ZFHX3: variants seen among roughly 807,000 people sequenced by gnomAD.
The protein encoded by ZFHX3 is zinc finger homeobox 3.
ZFHX3 carries 42 observed loss-of-function variants against 279.1 expected under a neutral mutation model. The observed-to-expected ratio is 0.15, with a 90% CI of 0.12 to 0.19. ZFHX3 has a LOEUF of 0.19. ZFHX3 is among the 10% of genes least tolerant of loss of function. The pLI is 1.00. For missense variants in ZFHX3, 4,981 were observed against 4,754.0 expected, an observed-to-expected ratio of 1.05 and a Z score of -1.40; for synonymous variants, 2,293 against 1,957.8, an observed-to-expected ratio of 1.17 and a Z score of -4.52.
rs73607336 is a variant in ZFHX3, at chr16:73,885,204, C to A, written c.-1608+6447G>T. 3.0e-3 allele frequency among the ~76,000 whole-genome samples: 460 copies of A among 152,136 alleles called. 3 individuals are homozygous for A. Among genetic ancestry groups the A allele is most frequent in the African/African-American group, 0.011 (437 of 41,510 alleles). ...TCTGAAGACAAAGATGGGAAAAAAA[C>A]CTATTTTTCCCTTTGACTGAAGGGT... is the stretch of plus-strand genomic sequence containing the variant. On this transcript the variant is annotated intron_variant, in intron 1 of 17. Transcript: ENST00000641206.
intron 3 of ZFHX3, among the ~76,000 whole-genome samples, chr16:73,333,851 A>G (rs2015855117): frequency 6.7e-6 from 1 of 150,188 alleles, no homozygotes; most frequent in Non-Finnish European, 1.5e-5. Context: ...TTCACAAGAC[A>G]GAAGGTACAC....
At chr16:73,710,212 A>T (rs2053345196) in intron 1 of ZFHX3, among the ~76,000 whole-genome samples, 1 of 152,192 alleles carries the variant, frequency 6.6e-6, no homozygotes, top group Non-Finnish European at 1.5e-5. Context: ...TAAGAAATAA[A>T]AATTAAATAA....
At chr16:72,990,706 C>T (rs1185063066) in intron 1 of ZFHX3, among the ~76,000 whole-genome samples, 6 of 152,142 alleles carry the variant, frequency 3.9e-5, no homozygotes, top group South Asian at 2.1e-4. Flanking sequence ...AATGGCTGGG[C>T]GCAGTGGCTC....
intron 2 of ZFHX3, among the ~76,000 whole-genome samples, chr16:73,509,695 T>G (rs1438837802): frequency 1.4e-5 from 2 of 147,162 alleles, no homozygotes; most frequent in Non-Finnish European, 3.0e-5. Flanking sequence ...CGGCTGATTT[T>G]TTTTTTTTTT....
intron 1 of ZFHX3, among the ~76,000 whole-genome samples, chr16:73,003,944 CTT>C (rs35311786): frequency 1.1e-3 from 157 of 139,536 alleles, no homozygotes; most frequent in Non-Finnish European, 1.7e-3. Flanking sequence ...AGGGTATTTG[CTT>C]TTTTTTTTTT....
intron 1 of ZFHX3, among the ~76,000 whole-genome samples, chr16:73,765,355 TG>T (rs1474503796): frequency 6.6e-6 from 1 of 152,196 alleles, no homozygotes; most frequent in Non-Finnish European, 1.5e-5. Context: ...TTTTTAAAAA[TG>T]TGTGTATATG....
At chr16:73,530,160 G>T (rs2019773258) in intron 2 of ZFHX3, among the ~76,000 whole-genome samples, 1 of 152,162 alleles carries the variant, frequency 6.6e-6, no homozygotes, top group African/African-American at 2.4e-5. Context: ...CTTACATGGT[G>T]GCAGGCAAGA....
chr16:73,200,477 T>C (rs1472485440), intron 5 of ZFHX3, among the ~76,000 whole-genome samples: 2 of 152,238 alleles, frequency 1.3e-5, no homozygotes, highest in Admixed American at 6.5e-5. Context: ...AAAGATAGGA[T>C]TGAATTCTCT....
intron 5 of ZFHX3, among the ~76,000 whole-genome samples, chr16:73,209,345 A>G (rs568837186): frequency 6.6e-5 from 10 of 152,294 alleles, no homozygotes; most frequent in African/African-American, 1.9e-4. Context: ...ATTTATGAAC[A>G]ATAGAATTTT....
chr16:73,738,763 G>A (rs990989792), intron 1 of ZFHX3, among the ~76,000 whole-genome samples: 2 of 152,120 alleles, frequency 1.3e-5, no homozygotes, highest in African/African-American at 2.4e-5. Context: ...CCAGTCTTTG[G>A]CCAGTTTGCA....
At chr16:73,187,355 T>TA (rs1188257268) in intron 5 of ZFHX3, among the ~76,000 whole-genome samples, 5 of 151,422 alleles carry the variant, frequency 3.3e-5, no homozygotes, top group South Asian at 2.1e-4. Flanking sequence ...TTTTTTTTTT[T>TA]AAATTGGGCT....
At chr16:73,120,994 G>C (rs867579726) in intron 7 of ZFHX3, among the ~76,000 whole-genome samples, 1 of 152,098 alleles carries the variant, frequency 6.6e-6, no homozygotes, top group Admixed American at 6.5e-5. Context: ...CTATTTATCC[G>C]CTTAAGCCAC....
intron 3 of ZFHX3, among the ~76,000 whole-genome samples, chr16:73,435,988 G>A (rs1376078785): frequency 2.6e-5 from 4 of 152,170 alleles, no homozygotes; most frequent in East Asian, 3.9e-4. Context: ...GTTTTAGTCC[G>A]TTTTCTCACT....
At chr16:73,467,969 G>A (rs547290039) in intron 2 of ZFHX3, among the ~76,000 whole-genome samples, 1 of 152,334 alleles carries the variant, frequency 6.6e-6, no homozygotes, top group Non-Finnish European at 1.5e-5. Context: ...TCTCCTAAAG[G>A]CTGATGCAAG....
intron 1 of ZFHX3, among the ~76,000 whole-genome samples, chr16:73,812,438 C>A (rs2142338102): frequency 6.6e-6 from 1 of 152,272 alleles, no homozygotes; most frequent in Middle Eastern, 3.4e-3. Flanking sequence ...CTTTCTCCTC[C>A]AGAAAGTCTT....
At chr16:73,268,647 G>A (rs937567320) in intron 4 of ZFHX3, among the ~76,000 whole-genome samples, 5 of 152,288 alleles carry the variant, frequency 3.3e-5, no homozygotes, top group South Asian at 2.1e-4. Context: ...TCGCAACTCC[G>A]CCAAGAATTA....
At chr16:73,370,685 C>G (rs2016612823) in intron 3 of ZFHX3, among the ~76,000 whole-genome samples, 1 of 152,206 alleles carries the variant, frequency 6.6e-6, no homozygotes, top group South Asian at 2.1e-4. Flanking sequence ...CGGGAGGCTT[C>G]TATCCCCACG....
At chr16:73,855,914 C>G (rs1476987389) in intron 1 of ZFHX3, among the ~76,000 whole-genome samples, 2 of 152,094 alleles carry the variant, frequency 1.3e-5, no homozygotes, top group Admixed American at 6.5e-5. Context: ...TCAATGTTGT[C>G]TATCATGGCA....
chr16:72,880,371 G>A (rs1290388570), intron 4 of ZFHX3, among the ~76,000 whole-genome samples: 2 of 152,162 alleles, frequency 1.3e-5, no homozygotes, highest in African/African-American at 4.8e-5. Flanking sequence ...TTTTAAGGAG[G>A]TGATTAGGTT....
Sources: gnomAD v4.1 joint callset for allele counts (sites outside exome capture counted in the v4.1 genomes callset) on GRCh38, gnomAD v4.1.1 for gene constraint, MANE v1.5 for transcripts, NCBI Gene and HGNC (gene_info 2026-07-23, HGNC 2026-07-21) for gene names.